H2BC17: variants seen among roughly 807,000 people sequenced by gnomAD.
H2BC17 encodes histone H2B type 1-O.
A neutral mutation model predicts 6.1 loss-of-function variants in H2BC17; 11 were observed. That is an observed-to-expected ratio of 1.79 (90% CI 1.13 to 2.97). H2BC17 has a LOEUF of 2.97. Ranked by LOEUF, H2BC17 falls within the 30% of genes most tolerant of loss-of-function variation. H2BC17 has a pLI of 0.00. For missense variants in H2BC17, 171 were observed against 171.6 expected (o/e 1.00, Z 0.02); for synonymous variants, 103 against 74.5 (o/e 1.38, Z -1.97).
Position 27,893,522 on chromosome 6 carries a change from C to T in H2BC17, c.60C>T (p.Thr20=), listed in dbSNP as rs1474772759. Residue 20 remains threonine (T), a synonymous_variant, in exon 1 of 1, where the codon ACC becomes ACT. Transcript: ENST00000616182. ...AAAAGGGCTCCAAGAAAGCCGTAAC[C>T]AAGGCCCAGAAAAAGGACGGCAAGA... ...APKKGSKKAV[T]KAQKKDGKKR... The T allele has an allele frequency of 1.2e-6, 2 of 1,614,052 alleles. No individual in the cohort carries two copies. Among genetic ancestry groups the T allele is most frequent in the South Asian group, 2.2e-5 (2 of 91,076 alleles).
Position 27,893,485 on chromosome 6 carries a change from C to T in H2BC17, c.23C>T (p.Ala8Val), listed in dbSNP as rs552783351. ...GCCATGCCCGACCCGGCTAAATCTG[C>T]TCCTGCCCCCAAAAAGGGCTCCAAG... MPDPAKS[A>V]PAPKKGSKKA... Residue 8 changes from alanine (A) to valine (V), a missense_variant, in exon 1 of 1, where the codon GCT becomes GTT. Transcript: ENST00000616182. The T allele has an allele frequency of 2.3e-4, 374 of 1,610,688 alleles. 6 individuals carry two copies. The South Asian group carries it at 3.8e-3, about 16-fold the overall frequency.
chr6:27,893,727 A>G lies in H2BC17; in HGVS notation c.265A>G (p.Thr89Ala). Reference protein sequence around the residue: ...SRLAHYNKRSTITSREIQTAV... With the variant: ...SRLAHYNKRSAITSREIQTAV... ...CCTGGCGCATTACAACAAGCGCTCGACCATCACCTCCAGGGAGATCCAGAC... is the reference window on the plus strand; with the variant it reads ...CCTGGCGCATTACAACAAGCGCTCGGCCATCACCTCCAGGGAGATCCAGAC... The change falls in exon 1 of 1, where the codon ACC (threonine) becomes GCC (alanine). Residue 89 changes from threonine to alanine, a missense_variant. By Grantham distance (58) the Thr-to-Ala change is moderately conservative (BLOSUM62 0). Transcript: ENST00000616182. 1 of 1,614,252 alleles carries G rather than the reference A, an allele frequency of 6.2e-7. No homozygotes were observed. The highest frequency in any genetic ancestry group is 8.5e-7 in the Non-Finnish European group (1 of 1,180,040).
chr6:27,893,428 C>T lies in H2BC17; in HGVS notation c.-35C>T, dbSNP rs750865612. The T allele has an allele frequency of 2.6e-6, 4 of 1,556,808 alleles. No homozygotes were observed. The East Asian group carries it at 6.7e-5, about 26-fold the overall frequency. ...GGGCATAACCCAGCTTGTCCTCATT[C>T]TTGTTATTTGAGTGCTCTTTCACTC... On this transcript the variant is annotated 5_prime_UTR_variant, in exon 1 of 1. Transcript: ENST00000616182.
chr6:27,893,441 T>C lies in H2BC17; in HGVS notation c.-22T>C, dbSNP rs765002037. 6.4e-7 allele frequency: 1 copy of C among 1,568,802 alleles called. No homozygotes were observed. Among genetic ancestry groups the C allele is most frequent in the Non-Finnish European group, 8.6e-7 (1 of 1,160,716 alleles). ...CTTGTCCTCATTCTTGTTATTTGAG[T>C]GCTCTTTCACTCTCCTCCGCCATGC... On this transcript the variant is annotated 5_prime_UTR_variant, in exon 1 of 1. Transcript: ENST00000616182.
rs1226913514 is a variant in H2BC17 at position 27,893,660 on chromosome 6, C to T, written c.198C>T (p.Phe66=). The T allele has an allele frequency of 1.2e-6, 2 of 1,614,280 alleles. No individual in the cohort carries two copies. Among genetic ancestry groups the T allele is most frequent in the Non-Finnish European group, 1.7e-6 (2 of 1,180,048 alleles). The stretch of plus-strand genomic sequence containing the variant: ...AGGCCATGGGCATCATGAACTCCTT[C>T]GTCAATGACATCTTTGAGCGCATCG... The part of the protein sequence containing the change: ...SSKAMGIMNS[F]VNDIFERIAG... The change falls in exon 1 of 1, where the codon TTC becomes TTT. Residue 66 remains phenylalanine (F), a synonymous_variant. Coordinates refer to ENST00000616182, the MANE Select transcript of H2BC17 (RefSeq NM_003527.4).
chr6:27,893,442 G>T lies in H2BC17; in HGVS notation c.-21G>T, dbSNP rs752275019. ...TTGTCCTCATTCTTGTTATTTGAGTGCTCTTTCACTCTCCTCCGCCATGCC... is the reference window on the plus strand; with the variant it reads ...TTGTCCTCATTCTTGTTATTTGAGTTCTCTTTCACTCTCCTCCGCCATGCC... On this transcript the variant is annotated 5_prime_UTR_variant, in exon 1 of 1. Coordinates refer to ENST00000616182, the MANE Select transcript of H2BC17 (RefSeq NM_003527.4). 2 of 1,571,386 alleles carry T rather than the reference G, an allele frequency of 1.3e-6. No homozygotes were observed. Among genetic ancestry groups the T allele is most frequent in the South Asian group, 1.2e-5 (1 of 83,884 alleles).
chr6:27,893,452 T>C lies in H2BC17; in HGVS notation c.-11T>C, dbSNP rs749474212. On this transcript the variant is annotated 5_prime_UTR_variant, in exon 1 of 1. Transcript: ENST00000616182. ...TCTTGTTATTTGAGTGCTCTTTCAC[T>C]CTCCTCCGCCATGCCCGACCCGGCT... 6.3e-7 allele frequency: 1 copy of C among 1,584,998 alleles called. No homozygotes were observed. Among genetic ancestry groups the C allele is most frequent in the South Asian group, 1.2e-5 (1 of 86,700 alleles).
Position 27,893,450 on chromosome 6 carries a change from A to T in H2BC17, c.-13A>T, listed in dbSNP as rs1418940685. 3 of 1,582,824 alleles carry T rather than the reference A, an allele frequency of 1.9e-6. No homozygotes were observed. Among genetic ancestry groups the T allele is most frequent in the Non-Finnish European group, 2.6e-6 (3 of 1,166,734 alleles). On this transcript the variant is annotated 5_prime_UTR_variant, in exon 1 of 1. Coordinates refer to ENST00000616182, the MANE Select transcript of H2BC17 (RefSeq NM_003527.4). ...ATTCTTGTTATTTGAGTGCTCTTTC[A>T]CTCTCCTCCGCCATGCCCGACCCGG...
chr6:27,893,555 G>A lies in H2BC17; in HGVS notation c.93G>A (p.Lys31=), dbSNP rs758624393. 1.9e-6 allele frequency: 3 copies of A among 1,614,238 alleles called. No homozygotes were observed. The highest frequency in any genetic ancestry group is 1.7e-5 in the Admixed American group (1 of 60,026). Residue 31 remains lysine (K), a synonymous_variant, in exon 1 of 1, where the codon AAG becomes AAA. Transcript: ENST00000616182. Reference sequence around the variant, plus strand: ...AGAAAAAGGACGGCAAGAAGCGCAAGCGCAGCCGCAAAGAGAGTTACTCTA... The same window carrying A: ...AGAAAAAGGACGGCAAGAAGCGCAAACGCAGCCGCAAAGAGAGTTACTCTA... The part of the protein sequence containing the change: ...KAQKKDGKKR[K]RSRKESYSIY...
rs759546859 is a variant in H2BC17, at chr6:27,893,718, A to C, written c.256A>C (p.Lys86Gln). The change falls in exon 1 of 1, where the codon AAG becomes CAG. Residue 86 changes from lysine to glutamine, a missense_variant. Lys to Gln is a moderately conservative substitution (Grantham distance 53). Coordinates refer to ENST00000616182, the MANE Select transcript of H2BC17 (RefSeq NM_003527.4). ...GEASRLAHYN[K>Q]RSTITSREIQ... The stretch of plus-strand genomic sequence containing the variant: ...GGCTTCCCGCCTGGCGCATTACAAC[A>C]AGCGCTCGACCATCACCTCCAGGGA... 1.9e-6 allele frequency: 3 copies of C among 1,614,124 alleles called. No homozygotes were observed. The highest frequency in any genetic ancestry group is 2.5e-6 in the Non-Finnish European group (3 of 1,180,048).
In H2BC17 at chr6:27,893,661, G is replaced by A. The variant is rs1237560663; in HGVS notation, c.199G>A (p.Val67Ile). Reference sequence around the variant, plus strand: ...GGCCATGGGCATCATGAACTCCTTCGTCAATGACATCTTTGAGCGCATCGC... The same window carrying A: ...GGCCATGGGCATCATGAACTCCTTCATCAATGACATCTTTGAGCGCATCGC... ...SKAMGIMNSF[V>I]NDIFERIAGE... The change falls in exon 1 of 1, where the codon GTC (valine) becomes ATC (isoleucine). Residue 67 changes from valine (V) to isoleucine (I), a missense_variant. Transcript: ENST00000616182. 2 of 1,614,266 alleles carry A rather than the reference G, an allele frequency of 1.2e-6. No homozygotes were observed. The highest frequency in any genetic ancestry group is 1.1e-5 in the South Asian group (1 of 91,090).
rs779163789 is a variant in H2BC17 at position 27,893,495 on chromosome 6, C to T, written c.33C>T (p.Pro11=). 5.6e-6 allele frequency: 9 copies of T among 1,611,996 alleles called. No individual in the cohort carries two copies. The African/African-American group carries it at 9.4e-5, about 17-fold the overall frequency. MPDPAKSAPA[P]KKGSKKAVTK... Reference sequence around the variant, plus strand: ...ACCCGGCTAAATCTGCTCCTGCCCCCAAAAAGGGCTCCAAGAAAGCCGTAA... The same window carrying T: ...ACCCGGCTAAATCTGCTCCTGCCCCTAAAAAGGGCTCCAAGAAAGCCGTAA... The change falls in exon 1 of 1, where the codon CCC becomes CCT. Residue 11 remains proline (P), a synonymous_variant. Coordinates refer to ENST00000616182, the MANE Select transcript of H2BC17 (RefSeq NM_003527.4).
In H2BC17 at chr6:27,893,819, C is replaced by T. The variant is rs1324324318; in HGVS notation, c.357C>T (p.Val119=). The T allele has an allele frequency of 1.9e-6, 3 of 1,614,248 alleles. No individual in the cohort carries two copies. The highest frequency in any genetic ancestry group is 2.5e-6 in the Non-Finnish European group (3 of 1,180,046). Reference sequence around the variant, plus strand: ...CCGTGTCCGAGGGCACAAAGGCCGTCACCAAGTACACCAGCTCCAAGTGAG... The same window carrying T: ...CCGTGTCCGAGGGCACAAAGGCCGTTACCAAGTACACCAGCTCCAAGTGAG... ...KHAVSEGTKA[V]TKYTSSK The change falls in exon 1 of 1, where the codon GTC becomes GTT. Residue 119 remains valine (V), a synonymous_variant. Transcript: ENST00000616182.
Position 27,893,857 on chromosome 6 carries a change from C to T in H2BC17, c.*14C>T. ...AGCTCCAAGTGAGCTCTCGCAGCTG[C>T]CAGCAATCCAAAGGCTCTTTTCAGA... On this transcript the variant is annotated 3_prime_UTR_variant, in exon 1 of 1. Coordinates refer to ENST00000616182, the MANE Select transcript of H2BC17 (RefSeq NM_003527.4). The T allele has an allele frequency of 6.2e-7, 1 of 1,614,142 alleles. No homozygotes were observed. The highest frequency in any genetic ancestry group is 8.5e-7 in the Non-Finnish European group (1 of 1,180,024).
In H2BC17 at chr6:27,893,657, C is replaced by T. The variant is rs201951935; in HGVS notation, c.195C>T (p.Ser65=). ...CGAAGGCCATGGGCATCATGAACTC[C>T]TTCGTCAATGACATCTTTGAGCGCA... The part of the protein sequence containing the change: ...ISSKAMGIMN[S]FVNDIFERIA... Residue 65 remains serine (S), a synonymous_variant, in exon 1 of 1, where the codon TCC becomes TCT. Coordinates refer to ENST00000616182, the MANE Select transcript of H2BC17 (RefSeq NM_003527.4). 3.7e-6 allele frequency: 6 copies of T among 1,614,276 alleles called. No individual in the cohort carries two copies. The East Asian group carries it at 1.1e-4, about 30-fold the overall frequency.
At position 27,893,504 on chromosome 6, in the gene H2BC17, C is replaced by T. The variant is rs1028885733; in HGVS notation, c.42C>T (p.Gly14=). ...PAKSAPAPKK[G]SKKAVTKAQK... ...AATCTGCTCCTGCCCCCAAAAAGGG[C>T]TCCAAGAAAGCCGTAACCAAGGCCC... is the stretch of plus-strand genomic sequence containing the variant. Residue 14 remains glycine (G), a synonymous_variant, in exon 1 of 1, where the codon GGC becomes GGT. Transcript: ENST00000616182. 3.7e-6 allele frequency: 6 copies of T among 1,612,842 alleles called. No homozygotes were observed. Among genetic ancestry groups the T allele is most frequent in the Non-Finnish European group, 5.1e-6 (6 of 1,179,536 alleles).
chr6:27,893,576 C>G lies in H2BC17; in HGVS notation c.114C>G (p.Tyr38Ter), dbSNP rs746284590. 6.2e-7 allele frequency: 1 copy of G among 1,614,252 alleles called. No homozygotes were observed. Among genetic ancestry groups the G allele is most frequent in the Non-Finnish European group, 8.5e-7 (1 of 1,180,046 alleles). Residue 38 changes from tyrosine to a stop codon, truncating the protein, a stop_gained, in exon 1 of 1, where the codon TAC becomes TAG. Transcript: ENST00000616182. LOFTEE classifies it high-confidence loss of function. ...GCAAGCGCAGCCGCAAAGAGAGTTA[C>G]TCTATCTACGTGTACAAGGTGCTGA... ...KKRKRSRKES[Y>*]SIYVYKVLKQ...
chr6:27,893,438 G>A lies in H2BC17; in HGVS notation c.-25G>A, dbSNP rs1761936161. ...CAGCTTGTCCTCATTCTTGTTATTT[G>A]AGTGCTCTTTCACTCTCCTCCGCCA... On this transcript the variant is annotated 5_prime_UTR_variant, in exon 1 of 1. Coordinates refer to ENST00000616182, the MANE Select transcript of H2BC17 (RefSeq NM_003527.4). 1 of 1,566,554 alleles carries A rather than the reference G, an allele frequency of 6.4e-7. No homozygotes were observed. Among genetic ancestry groups the A allele is most frequent in the Admixed American group, 1.9e-5 (1 of 51,362 alleles).
Position 27,893,557 on chromosome 6 carries a change from G to T in H2BC17, c.95G>T (p.Arg32Leu). Reference protein sequence around the residue: ...AQKKDGKKRKRSRKESYSIYV... With the variant: ...AQKKDGKKRKLSRKESYSIYV... ...AAAAAGGACGGCAAGAAGCGCAAGC[G>T]CAGCCGCAAAGAGAGTTACTCTATC... The change falls in exon 1 of 1, where the codon CGC (arginine) becomes CTC (leucine). Residue 32 changes from arginine to leucine, a missense_variant. Transcript: ENST00000616182. 6.2e-7 allele frequency: 1 copy of T among 1,614,238 alleles called. No individual in the cohort carries two copies. Among genetic ancestry groups the T allele is most frequent in the Non-Finnish European group, 8.5e-7 (1 of 1,180,048 alleles).
Sources: gnomAD v4.1 joint callset for allele counts on GRCh38, gnomAD v4.1.1 for gene constraint, MANE v1.5 for transcripts, NCBI Gene and HGNC (gene_info 2026-07-23, HGNC 2026-07-21) for gene names.